Variants in ZKSCAN1 observed in about 807,000 individuals in gnomAD.
ZKSCAN1 encodes zinc finger protein with KRAB and SCAN domains 1.
In ZKSCAN1, 14 loss-of-function variants were observed where a neutral mutation model predicts 51.6. The observed-to-expected ratio is 0.27, with a 90% CI of 0.18 to 0.42. The LOEUF (loss-of-function observed/expected upper bound fraction) is 0.42, where lower values mean the gene tolerates loss of function less well. ZKSCAN1 is among the 10% of genes least tolerant of loss of function. ZKSCAN1 has a pLI of 1.00. For missense variants in ZKSCAN1, 531 were observed against 710.0 expected, an observed-to-expected ratio of 0.75 and a Z score of 2.86; for synonymous variants, 263 against 261.5, an observed-to-expected ratio of 1.01 and a Z score of -0.06.
At position 100,038,465 on chromosome 7, in the gene ZKSCAN1, ACTC is replaced by A. The variant is rs1487208229; in HGVS notation, c.*4271_*4273del. 5.1e-6 allele frequency: 5 copies of A among 985,226 alleles called. No individual in the cohort carries two copies. The highest frequency in any genetic ancestry group is 4.8e-6 in the Non-Finnish European group (4 of 829,932). The allele number at this position is 985,226 out of a possible 1,614,324, so 61.0% of individuals were successfully genotyped here. A position where few individuals can be genotyped will look rare whatever the true frequency, so the allele number is the denominator to read the frequency against. On this transcript the variant is annotated 3_prime_UTR_variant, in exon 6 of 6. Transcript: ENST00000324306. ...GCTAATGGGGCACTGAAATGGAACA[ACTC>A]CTTTAAACGTGCAGCCTTTTGAATT...
Position 100,033,230 on chromosome 7 carries a change from G to A in ZKSCAN1, c.800-75G>A, listed in dbSNP as rs1036847255. On this transcript the variant is annotated intron_variant, in intron 5 of 5. Coordinates refer to ENST00000324306, the MANE Select transcript of ZKSCAN1 (RefSeq NM_003439.4). This position sits in a 1 kb window ranked among gnomAD's most constrained non-coding sequence, Gnocchi z 4.1. ...TTTTGCAGCCGTGTAGAAGCTTCTCGGGAAACTGTCGCTTGACCCACCTGT... is the reference window on the plus strand; with the variant it reads ...TTTTGCAGCCGTGTAGAAGCTTCTCAGGAAACTGTCGCTTGACCCACCTGT... 1.3e-5 allele frequency: 20 copies of A among 1,484,928 alleles called. 1 individual carries two copies. Among genetic ancestry groups the A allele is most frequent in the Admixed American group, 1.1e-4 (4 of 36,482 alleles). The allele number at this position is 1,484,928 out of a possible 1,614,324, so 92.0% of individuals were successfully genotyped here. A position where few individuals can be genotyped will look rare whatever the true frequency, so the allele number is the denominator to read the frequency against.
At position 100,029,866 on chromosome 7, in the gene ZKSCAN1, C is replaced by T; in HGVS notation, c.586C>T (p.Pro196Ser). ...GACCCTTTCTCCTCCCCCAGCTCTT[C>T]CTGCTGCCCACATTCCTGCACCCCC... is the stretch of plus-strand genomic sequence containing the variant. ...KPRLLQSRAL[P>S]AAHIPAPPHE... Residue 196 changes from proline to serine, a missense_variant, in exon 4 of 6, where the codon CCT (proline) becomes TCT (serine). Pro to Ser is a moderately conservative substitution (Grantham distance 74, BLOSUM62 -1). Coordinates refer to ENST00000324306, the MANE Select transcript of ZKSCAN1 (RefSeq NM_003439.4). 6.2e-7 allele frequency: 1 copy of T among 1,614,118 alleles called. No individual in the cohort carries two copies. Among genetic ancestry groups the T allele is most frequent in the Non-Finnish European group, 8.5e-7 (1 of 1,179,982 alleles).
intron 1 of ZKSCAN1, among the ~76,000 whole-genome samples, chr7:100,022,475 G>C (rs533919786): frequency 1.3e-5 from 2 of 152,336 alleles, no homozygotes; most frequent in Non-Finnish European, 2.9e-5. Flanking sequence ...GTGTATTAGT[G>C]TCAATTTATA....
rs1295418767 is a variant in ZKSCAN1 at position 100,037,802 on chromosome 7, G to A, written c.*3605G>A. On this transcript the variant is annotated 3_prime_UTR_variant, in exon 6 of 6. Coordinates refer to ENST00000324306, the MANE Select transcript of ZKSCAN1 (RefSeq NM_003439.4). ...GGAGGCCGAGGCAGGCGGATCACGA[G>A]GTCAGTAGTTCGAGACCAGCCTGGC... 1.2e-6 allele frequency: 1 copy of A among 867,542 alleles called. No individual in the cohort carries two copies. The highest frequency in any genetic ancestry group is 1.8e-5 in the African/African-American group (1 of 54,636). 53.7% of individuals were successfully genotyped at this position (867,542 alleles called of 1,614,324 possible).
chr7:100,037,835 G>A lies in ZKSCAN1; in HGVS notation c.*3638G>A, dbSNP rs1168921291. 1.4e-6 allele frequency: 1 copy of A among 707,496 alleles called. No individual in the cohort carries two copies. Among genetic ancestry groups the A allele is most frequent in the African/African-American group, 1.9e-5 (1 of 51,512 alleles). 43.8% of individuals were successfully genotyped at this position (707,496 alleles called of 1,614,324 possible). On this transcript the variant is annotated 3_prime_UTR_variant, in exon 6 of 6. Transcript: ENST00000324306. ...GTTCGAGACCAGCCTGGCCAACATG[G>A]TGAAACCTTGTCTCTACTAAAAATA...
chr7:100,020,295 A>G, intron 1 of ZKSCAN1, among the ~76,000 whole-genome samples: 1 of 152,230 alleles, frequency 6.6e-6, no homozygotes. Context: ...ATATATAGGA[A>G]ATACTGATGA....
chr7:100,042,871 C>T (rs1791635485), downstream of ZKSCAN1, among the ~76,000 whole-genome samples: 1 of 150,104 alleles, frequency 6.7e-6, no homozygotes, highest in Non-Finnish European at 1.5e-5. Context: ...CATCTCGGCT[C>T]ACTGCAAGCT....
chr7:100,031,813 A>T (rs907908478), intron 5 of ZKSCAN1, among the ~76,000 whole-genome samples: 2 of 152,210 alleles, frequency 1.3e-5, no homozygotes, highest in Non-Finnish European at 2.9e-5. Context: ...ACAATGGCTC[A>T]CACCTGTAAT....
Position 100,033,862 on chromosome 7 carries a change from C to T in ZKSCAN1, c.1357C>T (p.Arg453Cys). The part of the protein sequence containing the change: ...SHSSNLILHQ[R>C]IHSGEKPYEC... ...CAGTTCCAATCTCATCCTCCATCAGCGCATCCACTCTGGAGAGAAACCTTA... is the reference window on the plus strand; with the variant it reads ...CAGTTCCAATCTCATCCTCCATCAGTGCATCCACTCTGGAGAGAAACCTTA... The change falls in exon 6 of 6, where the codon CGC becomes TGC. Residue 453 changes from arginine to cysteine, a missense_variant. Physicochemically the swap from Arg to Cys is radical, Grantham distance 180. This residue lies in a region of ZKSCAN1 where 128 missense variants were observed against 219.5 expected (regional missense o/e 0.58). Coordinates refer to ENST00000324306, the MANE Select transcript of ZKSCAN1 (RefSeq NM_003439.4). The surrounding 1 kb of genome is among the most constrained non-coding windows in gnomAD (Gnocchi z 4.1). The T allele has an allele frequency of 6.2e-7, 1 of 1,613,888 alleles. No individual in the cohort carries two copies. The highest frequency in any genetic ancestry group is 8.5e-7 in the Non-Finnish European group (1 of 1,179,986).
chr7:100,042,057 G>T (rs957991476), downstream of ZKSCAN1, among the ~76,000 whole-genome samples: 1 of 152,298 alleles, frequency 6.6e-6, no homozygotes, highest in African/African-American at 2.4e-5. Context: ...GGTGGCTTAT[G>T]CCTGTAATCC....
Position 100,038,480 on chromosome 7 carries a change from C to G in ZKSCAN1, c.*4283C>G, listed in dbSNP as rs1791458845. On this transcript the variant is annotated 3_prime_UTR_variant, in exon 6 of 6. Transcript: ENST00000324306. The stretch of plus-strand genomic sequence containing the variant: ...AAATGGAACAACTCCTTTAAACGTG[C>G]AGCCTTTTGAATTTTTCCTCAAAAC... The G allele has an allele frequency of 2.0e-6, 2 of 985,326 alleles. No homozygotes were observed. Among genetic ancestry groups the G allele is most frequent in the African/African-American group, 3.5e-5 (2 of 57,232 alleles). The allele number at this position is 985,326 out of a possible 1,614,324, so 61.0% of individuals were successfully genotyped here.
Position 100,033,368 on chromosome 7 carries a change from C to T in ZKSCAN1, c.863C>T (p.Ala288Val), listed in dbSNP as rs1791197468. ...TSKAETSEDS[A>V]SRGETTGRSQ... ...AAGGCTGAAACCTCGGAAGATTCAG[C>T]ATCACGCGGGGAGACAACAGGAAGA... The change falls in exon 6 of 6, where the codon GCA becomes GTA. Residue 288 changes from alanine to valine, a missense_variant. Physicochemically the swap from Ala to Val is moderately conservative, Grantham distance 64. Coordinates refer to ENST00000324306, the MANE Select transcript of ZKSCAN1 (RefSeq NM_003439.4). This position sits in a 1 kb window ranked among gnomAD's most constrained non-coding sequence, Gnocchi z 4.1. 1 of 1,614,012 alleles carries T rather than the reference C, an allele frequency of 6.2e-7. No individual in the cohort carries two copies. Among genetic ancestry groups the T allele is most frequent in the South Asian group, 1.1e-5 (1 of 91,062 alleles).
rs1791347564 is a variant in ZKSCAN1 at position 100,036,015 on chromosome 7, C to T, written c.*1818C>T. ...AACCCCATATATAGTTTGAGACTTT[C>T]CCTTGAGAAACTTATACTAAAACTA... is the stretch of plus-strand genomic sequence containing the variant. On this transcript the variant is annotated 3_prime_UTR_variant, in exon 6 of 6. Transcript: ENST00000324306. 2 of 985,336 alleles carry T rather than the reference C, an allele frequency of 2.0e-6. No individual in the cohort carries two copies. The highest frequency in any genetic ancestry group is 4.7e-5 in the South Asian group (1 of 21,292). 61.0% of individuals were successfully genotyped at this position (985,336 alleles called of 1,614,324 possible).
chr7:100,029,891 C>T lies in ZKSCAN1; in HGVS notation c.611C>T (p.Pro204Leu), dbSNP rs775156006. The T allele has an allele frequency of 9.3e-6, 15 of 1,614,080 alleles. No individual in the cohort carries two copies. The highest frequency in any genetic ancestry group is 2.2e-5 in the East Asian group (1 of 44,898). ...CCTGCTGCCCACATTCCTGCACCCC[C>T]TCATGAGGGTAGTCCCAGAGACCAG... ...ALPAAHIPAP[P>L]HEGSPRDQAM... The change falls in exon 4 of 6, where the codon CCT becomes CTT. Residue 204 changes from proline to leucine, a missense_variant. Pro to Leu is a moderately conservative substitution (Grantham distance 98). Around this residue, in one of 2 missense-constraint regions of ZKSCAN1, gnomAD observed 403 missense variants for 490.5 expected, o/e 0.82. Transcript: ENST00000324306.
chr7:100,042,150 C>T (rs1791614481), downstream of ZKSCAN1, among the ~76,000 whole-genome samples: 1 of 152,072 alleles, frequency 6.6e-6, no homozygotes, highest in African/African-American at 2.4e-5. Context: ...GAAACCCCCT[C>T]TCTACTAAAA....
chr7:100,018,329 T>C (rs533469070), intron 1 of ZKSCAN1, among the ~76,000 whole-genome samples: 2 of 151,998 alleles, frequency 1.3e-5, no homozygotes, highest in African/African-American at 2.4e-5. Flanking sequence ...GTCTAAGGAG[T>C]ACAAAGAGGA....
intron 1 of ZKSCAN1, among the ~76,000 whole-genome samples, chr7:100,022,333 A>C (rs1790626363): frequency 6.6e-6 from 1 of 152,242 alleles, no homozygotes; most frequent in Non-Finnish European, 1.5e-5. Context: ...GATTATAGGC[A>C]TGAGCCACTG....
chr7:100,043,134 A>T (rs1242277143), downstream of ZKSCAN1, among the ~76,000 whole-genome samples: 1 of 148,752 alleles, frequency 6.7e-6, no homozygotes, highest in Non-Finnish European at 1.5e-5. Flanking sequence ...CAGTCTGGCT[A>T]TTTCCCAAGC....
At position 100,037,433 on chromosome 7, in the gene ZKSCAN1, AT is replaced by A. The variant is rs1202884752; in HGVS notation, c.*3237del. ...ATGTAAAGCACTTAATATTAAAGGC[AT>A]AAAAGTGAAACTGCTAAATATGTAT... On this transcript the variant is annotated 3_prime_UTR_variant, in exon 6 of 6. Coordinates refer to ENST00000324306, the MANE Select transcript of ZKSCAN1 (RefSeq NM_003439.4). The A allele has an allele frequency of 2.0e-6, 2 of 985,342 alleles. No homozygotes were observed. Among genetic ancestry groups the A allele is most frequent in the Non-Finnish European group, 2.4e-6 (2 of 829,948 alleles). The allele number at this position is 985,342 out of a possible 1,614,324, so 61.0% of individuals were successfully genotyped here. A position where few individuals can be genotyped will look rare whatever the true frequency, so the allele number is the denominator to read the frequency against.
Sources: allele counts gnomAD v4.1 joint callset (sites outside exome capture counted in the v4.1 genomes callset), GRCh38; gene constraint gnomAD v4.1.1; regional missense constraint gnomAD v4.1.1; non-coding constraint Gnocchi (gnomAD v3.1); transcripts MANE v1.5; gene names NCBI Gene and HGNC (gene_info 2026-07-23, HGNC 2026-07-21).